Variants in CSMD1 observed in about 807,000 individuals in gnomAD.
The protein encoded by CSMD1 is CUB and Sushi multiple domains 1.
Under a neutral mutation model 417.5 loss-of-function variants are expected in CSMD1, and 213 were observed. The ratio of observed to expected loss-of-function variants is 0.51; its 90% CI spans 0.46 to 0.57. The LOEUF is 0.57. Ranked by LOEUF, CSMD1 falls within the 20% of genes least tolerant of loss-of-function variation. The pLI is 0.00. For synonymous variants in CSMD1, 2,862 were observed against 1,736.8 expected, an observed-to-expected ratio of 1.65 and a Z score of -16.11; for missense variants, 6,923 against 4,529.7, an observed-to-expected ratio of 1.53 and a Z score of -15.17.
intron 3 of CSMD1, among the ~76,000 whole-genome samples, chr8:4,119,361 C>G (rs778831920): frequency 6.6e-6 from 1 of 152,112 alleles, no homozygotes; most frequent in Non-Finnish European, 1.5e-5. Flanking sequence ...GCTAAGTGAA[C>G]ATTTTTTAAA....
At chr8:4,001,251 G>A (rs886163532) in intron 4 of CSMD1, among the ~76,000 whole-genome samples, 1 of 152,162 alleles carries the variant, frequency 6.6e-6, no homozygotes, top group African/African-American at 2.4e-5. Flanking sequence ...ACCTTGACCA[G>A]AAGTGAATTT....
chr8:4,256,041 T>C (rs1465923149), intron 3 of CSMD1, among the ~76,000 whole-genome samples: 1 of 152,182 alleles, frequency 6.6e-6, no homozygotes, highest in South Asian at 2.1e-4. Context: ...CACCACTTTT[T>C]AGATGCAACG....
chr8:3,497,451 G>C (rs752863061), intron 10 of CSMD1, among the ~76,000 whole-genome samples: 1 of 152,072 alleles, frequency 6.6e-6, no homozygotes, highest in Non-Finnish European at 1.5e-5. Context: ...CTGTCACCCA[G>C]GCTGGAGTGC....
chr8:4,114,578 G>C (rs1376151501), intron 3 of CSMD1, among the ~76,000 whole-genome samples: 2 of 148,540 alleles, frequency 1.3e-5, no homozygotes, highest in African/African-American at 2.5e-5. Context: ...TAAGTCTATA[G>C]CTTTCATAGG....
At chr8:4,253,393 T>A (rs559958566) in intron 3 of CSMD1, among the ~76,000 whole-genome samples, 2 of 151,526 alleles carry the variant, frequency 1.3e-5, no homozygotes, top group South Asian at 4.2e-4. Flanking sequence ...ATTGAGTCCA[T>A]AATCTCAAAT....
chr8:3,708,465 T>G lies in CSMD1; in HGVS notation c.958A>C (p.Arg320=). ...TTGCTGGGCAGCATCTTGACTCCTC[T>G]TGACTTCAACTCAATCGCCTTTTTC... ...QVKKAIELKS[R]GVKMLPSKDG... is the part of the protein sequence containing the mutation. The change falls in exon 7 of 70, where the codon AGA becomes CGA. Residue 320 remains arginine, a synonymous_variant. Coordinates refer to ENST00000635120, the MANE Select transcript of CSMD1 (RefSeq NM_033225.6). The G allele has an allele frequency of 6.2e-7, 1 of 1,613,930 alleles. No homozygotes were observed. The highest frequency in any genetic ancestry group is 8.5e-7 in the Non-Finnish European group (1 of 1,179,876).
chr8:4,180,272 T>C (rs1164367550), intron 3 of CSMD1, among the ~76,000 whole-genome samples: 1 of 151,858 alleles, frequency 6.6e-6, no homozygotes, highest in Non-Finnish European at 1.5e-5. Flanking sequence ...TTCATGTCCT[T>C]TGTAGGGATA....
intron 2 of CSMD1, among the ~76,000 whole-genome samples, chr8:4,430,789 T>C (rs1797829979): frequency 6.6e-6 from 1 of 152,184 alleles, no homozygotes; most frequent in African/African-American, 2.4e-5. Context: ...ACAAATGACA[T>C]TAAAACAGTA....
intron 5 of CSMD1, among the ~76,000 whole-genome samples, chr8:3,905,636 C>T (rs764043202): frequency 1.3e-5 from 2 of 152,192 alleles, no homozygotes; most frequent in Non-Finnish European, 2.9e-5. Context: ...ACATTTCTAG[C>T]ACTGTCCCAG....
intron 6 of CSMD1, among the ~76,000 whole-genome samples, chr8:3,743,964 T>C (rs1242661438): frequency 1.3e-5 from 2 of 152,296 alleles, no homozygotes; most frequent in East Asian, 1.9e-4. Context: ...GACAGAGGCA[T>C]GAATGATTAT....
At chr8:3,120,423 T>C (rs1300723882) in intron 41 of CSMD1, among the ~76,000 whole-genome samples, 2 of 152,216 alleles carry the variant, frequency 1.3e-5, no homozygotes, top group Non-Finnish European at 2.9e-5. Flanking sequence ...TTAATGTAAG[T>C]GCTGTTTGGA....
intron 1 of CSMD1, among the ~76,000 whole-genome samples, chr8:4,699,848 A>G (rs905539029): frequency 1.3e-5 from 2 of 152,254 alleles, no homozygotes; most frequent in African/African-American, 4.8e-5. Context: ...AGTGAGATTG[A>G]CAATACTGCG....
intron 1 of CSMD1, among the ~76,000 whole-genome samples, chr8:4,711,255 T>A (rs925283965): frequency 1.3e-5 from 2 of 152,026 alleles, no homozygotes; most frequent in African/African-American, 4.8e-5. Context: ...GTGGTGAGAA[T>A]CATCACACTT....
At chr8:3,329,012 C>T (rs991837032) in intron 23 of CSMD1, among the ~76,000 whole-genome samples, 4 of 151,898 alleles carry the variant, frequency 2.6e-5, no homozygotes, top group African/African-American at 9.7e-5. Flanking sequence ...TCAGGAAGAA[C>T]CTAGGGCTGA....
At chr8:4,834,612 A>T (rs1439420950) in intron 1 of CSMD1, among the ~76,000 whole-genome samples, 3 of 152,134 alleles carry the variant, frequency 2.0e-5, no homozygotes, top group Non-Finnish European at 4.4e-5. Context: ...GGTCCAGGAT[A>T]AAGAATGGCA....
At chr8:4,382,785 A>T (rs151283259) in intron 3 of CSMD1, among the ~76,000 whole-genome samples, 149 of 152,338 alleles carry the variant, frequency 9.8e-4, no homozygotes, top group Non-Finnish European at 1.7e-3. Flanking sequence ...AATAATAATG[A>T]TGGCCCCTCA....
intron 3 of CSMD1, among the ~76,000 whole-genome samples, chr8:4,331,914 T>C (rs1387586152): frequency 1.3e-5 from 2 of 152,192 alleles, no homozygotes; most frequent in Non-Finnish European, 2.9e-5. Flanking sequence ...GCCCACATCG[T>C]AATGATTTTT....
At chr8:3,509,363 T>C (rs1332510567) in intron 10 of CSMD1, among the ~76,000 whole-genome samples, 1 of 152,210 alleles carries the variant, frequency 6.6e-6, no homozygotes, top group Non-Finnish European at 1.5e-5. Context: ...AAGTCAACTT[T>C]GTCATAAGAA....
chr8:4,490,247 G>A (rs1261060123), intron 2 of CSMD1, among the ~76,000 whole-genome samples: 3 of 151,898 alleles, frequency 2.0e-5, no homozygotes, highest in Non-Finnish European at 4.4e-5. Flanking sequence ...TCACCATCTT[G>A]GCCAGGTTGA....
Sources: gnomAD v4.1 joint callset for allele counts (sites outside exome capture counted in the v4.1 genomes callset) on GRCh38, gnomAD v4.1.1 for gene constraint, MANE v1.5 for transcripts, NCBI Gene and HGNC (gene_info 2026-07-23, HGNC 2026-07-21) for gene names.